SYT5: variants seen among roughly 807,000 people sequenced by gnomAD.
SYT5 encodes the protein synaptotagmin 5, also known as synaptotagmin-5.
A neutral mutation model predicts 36.0 loss-of-function variants in SYT5; 29 were observed. The ratio of observed to expected loss-of-function variants is 0.81; its 90% CI spans 0.60 to 1.10. The LOEUF is 1.10. Ranked by LOEUF, SYT5 falls within the 50% of genes least tolerant of loss-of-function variation. SYT5 has a pLI of 0.00. For missense variants in SYT5, 512 were observed against 516.0 expected, an observed-to-expected ratio of 0.99 and a Z score of 0.08; for synonymous variants, 231 against 227.6, an observed-to-expected ratio of 1.02 and a Z score of -0.14.
At position 55,178,964 on chromosome 19, in the gene SYT5, T is replaced by G. The variant is rs199655102; in HGVS notation, c.78A>C (p.Pro26=). 2 of 1,550,518 alleles carry G rather than the reference T, an allele frequency of 1.3e-6. No homozygotes were observed. Among genetic ancestry groups the G allele is most frequent in the East Asian group, 4.8e-5 (2 of 41,980 alleles). Residue 26 remains proline (P), a splice_region_variant and synonymous_variant, in exon 2 of 9, where the codon CCA becomes CCC. Transcript: ENST00000354308. ...CCCCCACCCCCGGGTCTTGCTCACC[T>G]GGGCCGTGGCTGATGCGACTGGAGT... ...PPDSSRISHG[P]VPPWALATIV...
Position 55,175,201 on chromosome 19 carries a change from G to T in SYT5, c.679C>A (p.Arg227=). 6.2e-7 allele frequency: 1 copy of T among 1,608,028 alleles called. No homozygotes were observed. Reference sequence around the variant, plus strand: ...TCCCGCGGAGCCGCCTGCAGCTCCCGCCAGGCCTGCACTGGCCGCCCCAGG... The same window carrying T: ...TCCCGCGGAGCCGCCTGCAGCTCCCTCCAGGCCTGCACTGGCCGCCCCAGG... ...VDLGRPVQAW[R]ELQAAPREEQ... is the part of the protein sequence containing the mutation. Residue 227 remains arginine, a synonymous_variant, in exon 6 of 9, where the codon CGG becomes AGG. Transcript: ENST00000354308. This position sits in a 1 kb window ranked among gnomAD's most constrained non-coding sequence, Gnocchi z 4.5.
Position 55,173,398 on chromosome 19 carries a change from G to A in SYT5, c.*86C>T. The A allele has an allele frequency of 1.7e-6, 2 of 1,173,898 alleles. No individual in the cohort carries two copies. The highest frequency in any genetic ancestry group is 2.3e-5 in the South Asian group (1 of 43,298). 72.7% of individuals were successfully genotyped at this position (1,173,898 alleles called of 1,614,324 possible). A position where few individuals can be genotyped will look rare whatever the true frequency, so the allele number is the denominator to read the frequency against. Reference sequence around the variant, plus strand: ...GGGTAACCGTCAGAGGAAGCTTAAGGGTGGGGCTGGCTTGGCTTTGGCCGG... The same window carrying A: ...GGGTAACCGTCAGAGGAAGCTTAAGAGTGGGGCTGGCTTGGCTTTGGCCGG... On this transcript the variant is annotated 3_prime_UTR_variant, in exon 9 of 9. Transcript: ENST00000354308. This position sits in a 1 kb window ranked among gnomAD's most constrained non-coding sequence, Gnocchi z 5.4.
In SYT5 at chr19:55,179,677, T is replaced by G; in HGVS notation, c.-46+440A>C. On this transcript the variant is annotated intron_variant, in intron 1 of 8. Coordinates refer to ENST00000354308, the MANE Select transcript of SYT5 (RefSeq NM_003180.3). This position sits in a 1 kb window ranked among gnomAD's most constrained non-coding sequence, Gnocchi z 4.5. ...TGGGAGCTGAGACGCAGGTTCCCTCTTCCCTCTCCCCAATTTTGCTGGAGG... is the reference window on the plus strand; with the variant it reads ...TGGGAGCTGAGACGCAGGTTCCCTCGTCCCTCTCCCCAATTTTGCTGGAGG... 1 of 155,184 alleles carries G rather than the reference T, an allele frequency of 6.4e-6. No homozygotes were observed. The highest frequency in any genetic ancestry group is 1.4e-5 in the Non-Finnish European group (1 of 70,110). The allele number at this position is 155,184 out of a possible 1,614,324, so 9.6% of individuals were successfully genotyped here.
chr19:55,174,667 G>A lies in SYT5; in HGVS notation c.827-17C>T. 3.7e-6 allele frequency: 6 copies of A among 1,613,994 alleles called. No individual in the cohort carries two copies. Among genetic ancestry groups the A allele is most frequent in the Non-Finnish European group, 4.2e-6 (5 of 1,179,948 alleles). On this transcript the variant is annotated splice_polypyrimidine_tract_variant and intron_variant, in intron 7 of 8. Coordinates refer to ENST00000354308, the MANE Select transcript of SYT5 (RefSeq NM_003180.3). Reference sequence around the variant, plus strand: ...CGTATGGATCTGGGGAGAGGAAGGAGGAGTCTTATAGCTCCCCACTGCTGG... The same window carrying A: ...CGTATGGATCTGGGGAGAGGAAGGAAGAGTCTTATAGCTCCCCACTGCTGG...
At position 55,179,432 on chromosome 19, in the gene SYT5, G is replaced by T; in HGVS notation, c.-45-346C>A. On this transcript the variant is annotated intron_variant, in intron 1 of 8. Transcript: ENST00000354308. The surrounding 1 kb of genome is among the most constrained non-coding windows in gnomAD (Gnocchi z 4.5). ...CAGCCGGGCTCCTCTCAAGCGGGGT[G>T]AGAGCAAAGCTGGTTGCCCGGGCAA... The T allele has an allele frequency of 2.3e-6, 1 of 441,224 alleles. No individual in the cohort carries two copies. The allele number at this position is 441,224 out of a possible 1,614,324, so 27.3% of individuals were successfully genotyped here. A position where few individuals can be genotyped will look rare whatever the true frequency, so the allele number is the denominator to read the frequency against.
At chr19:55,176,265 T>A in intron 3 of SYT5, 141 bp from the exon 4 acceptor site, 1 of 1,147,044 alleles carries the variant, frequency 8.7e-7, no homozygotes, top group Non-Finnish European at 1.2e-6. Flanking sequence ...ATTTGACTAG[T>A]GCTGTCTGCC....
In SYT5 at chr19:55,173,448, T is replaced by C. The variant is rs2147324453; in HGVS notation, c.*36A>G. On this transcript the variant is annotated 3_prime_UTR_variant, in exon 9 of 9. Coordinates refer to ENST00000354308, the MANE Select transcript of SYT5 (RefSeq NM_003180.3). The surrounding 1 kb of genome is among the most constrained non-coding windows in gnomAD (Gnocchi z 5.4). ...GTCTCGGGAGTCTGGGGTCAGGGGCTAGAGTCCAGGCTTGGCCGGGGGCTT... is the reference window on the plus strand; with the variant it reads ...GTCTCGGGAGTCTGGGGTCAGGGGCCAGAGTCCAGGCTTGGCCGGGGGCTT... The C allele has an allele frequency of 7.5e-7, 1 of 1,326,934 alleles. No individual in the cohort carries two copies. 82.2% of individuals were successfully genotyped at this position (1,326,934 alleles called of 1,614,324 possible).
intron 2 of SYT5, 60 bp from the exon 3 acceptor site, chr19:55,178,428 C>A: frequency 6.6e-7 from 1 of 1,520,392 alleles, no homozygotes; most frequent in South Asian, 1.3e-5. Flanking sequence ...CTGATTCAGT[C>A]CTGATTACAC....
At chr19:55,180,037 C>T (rs2086136125) in intron 1 of SYT5, 80 bp downstream of exon 1, 1 of 152,794 alleles carries the variant, frequency 6.5e-6, no homozygotes, top group African/African-American at 2.4e-5. Context: ...CCCCAGTGCC[C>T]CAGCCCCCAC....
chr19:55,174,110 GAATCTGGTCCC>G, intron 8 of SYT5: 2 of 202,858 alleles, frequency 9.9e-6, no homozygotes, highest in South Asian at 1.4e-4. Context: ...TTAGGGTGGG[GAATCTGGTCCC>G]GCTTAGGAGT....
chr19:55,171,303 AGCC>A lies in SYT5; in HGVS notation c.*2178_*2180del. ...CTGTCTTCATAAAGACATGCTCTAC[AGCC>A]ACACACACACACACACACACACACA... On this transcript the variant is annotated 3_prime_UTR_variant, in exon 9 of 9. Transcript: ENST00000354308. The A allele has an allele frequency of 7.9e-6, 1 of 126,654 alleles. No homozygotes were observed. The highest frequency in any genetic ancestry group is 8.5e-5 in the Admixed American group (1 of 11,764). The allele number at this position is 126,654 out of a possible 1,614,324, so 7.8% of individuals were successfully genotyped here. A position where few individuals can be genotyped will look rare whatever the true frequency, so the allele number is the denominator to read the frequency against.
chr19:55,172,046 C>T lies in SYT5; in HGVS notation c.*1438G>A, dbSNP rs962623768. 6.6e-6 allele frequency: 1 copy of T among 151,670 alleles called. No homozygotes were observed. The highest frequency in any genetic ancestry group is 2.4e-5 in the African/African-American group (1 of 41,212). The allele number at this position is 151,670 out of a possible 1,614,324, so 9.4% of individuals were successfully genotyped here. A position where few individuals can be genotyped will look rare whatever the true frequency, so the allele number is the denominator to read the frequency against. On this transcript the variant is annotated 3_prime_UTR_variant, in exon 9 of 9. Transcript: ENST00000354308. ...GGTGAGCCGAGATTGCACCATTGCC[C>T]TCCATTCTGGGCAACAACAGCGAAA...
Position 55,179,089 on chromosome 19 carries a change from A to T in SYT5, c.-45-3T>A. The T allele has an allele frequency of 6.4e-7, 1 of 1,569,718 alleles. No homozygotes were observed. The highest frequency in any genetic ancestry group is 8.6e-7 in the Non-Finnish European group (1 of 1,159,638). On this transcript the variant is annotated splice_polypyrimidine_tract_variant and splice_region_variant and intron_variant, in intron 1 of 8. Transcript: ENST00000354308. This position sits in a 1 kb window ranked among gnomAD's most constrained non-coding sequence, Gnocchi z 4.5. Reference sequence around the variant, plus strand: ...TTCTGCAGAGACACTCAAGCACCCTAGTCCCCCATTCCCACCCCAGACGTC... The same window carrying T: ...TTCTGCAGAGACACTCAAGCACCCTTGTCCCCCATTCCCACCCCAGACGTC...
At position 55,179,400 on chromosome 19, in the gene SYT5, A is replaced by T; in HGVS notation, c.-45-314T>A. ...TGGGAACCAGCAGACCGCGTTGCCC[A>T]GAGCAACAGCCGGGCTCCTCTCAAG... is the stretch of plus-strand genomic sequence containing the variant. On this transcript the variant is annotated intron_variant, in intron 1 of 8. Transcript: ENST00000354308. The surrounding 1 kb of genome is among the most constrained non-coding windows in gnomAD (Gnocchi z 4.5). The T allele has an allele frequency of 1.9e-6, 1 of 532,312 alleles. No individual in the cohort carries two copies. Among genetic ancestry groups the T allele is most frequent in the Non-Finnish European group, 3.0e-6 (1 of 331,596 alleles). The allele number at this position is 532,312 out of a possible 1,614,324, so 33.0% of individuals were successfully genotyped here. A position where few individuals can be genotyped will look rare whatever the true frequency, so the allele number is the denominator to read the frequency against.
chr19:55,174,659 A>G lies in SYT5; in HGVS notation c.827-9T>C. Reference sequence around the variant, plus strand: ...GACCTTGACGTATGGATCTGGGGAGAGGAAGGAGGAGTCTTATAGCTCCCC... The same window carrying G: ...GACCTTGACGTATGGATCTGGGGAGGGGAAGGAGGAGTCTTATAGCTCCCC... On this transcript the variant is annotated splice_polypyrimidine_tract_variant and intron_variant, in intron 7 of 8. Coordinates refer to ENST00000354308, the MANE Select transcript of SYT5 (RefSeq NM_003180.3). 2 of 1,613,808 alleles carry G rather than the reference A, an allele frequency of 1.2e-6. No individual in the cohort carries two copies. Among genetic ancestry groups the G allele is most frequent in the East Asian group, 4.5e-5 (2 of 44,856 alleles).
In SYT5 at chr19:55,175,723, T is replaced by A. The variant is rs753347515; in HGVS notation, c.526A>T (p.Thr176Ser). 1 of 1,613,540 alleles carries A rather than the reference T, an allele frequency of 6.2e-7. No individual in the cohort carries two copies. Among genetic ancestry groups the A allele is most frequent in the Non-Finnish European group, 8.5e-7 (1 of 1,179,964 alleles). ...CAGGAGCTCACCTTGAAGGCGAAGG[T>A]CTCCCCAAAGTGAGGGTTCAGCGTC... ...RQTLNPHFGETFAFKVPYVEL... is the reference protein window; with the variant it reads ...RQTLNPHFGESFAFKVPYVEL... Residue 176 changes from threonine (T) to serine (S), a missense_variant, in exon 5 of 9, where the codon ACC becomes TCC. Physicochemically the swap from Thr to Ser is moderately conservative, Grantham distance 58 (BLOSUM62 1). Transcript: ENST00000354308. The surrounding 1 kb of genome is among the most constrained non-coding windows in gnomAD (Gnocchi z 4.5).
At chr19:55,176,256 T>C (rs1305989780) in intron 3 of SYT5, 132 bp from the exon 4 acceptor site, 2 of 1,242,940 alleles carry the variant, frequency 1.6e-6, no homozygotes, top group Admixed American at 4.3e-5. Flanking sequence ...AGATTCAGTA[T>C]TTGACTAGTG....
In SYT5 at chr19:55,175,473, G is replaced by T; in HGVS notation, c.541-134C>A. On this transcript the variant is annotated intron_variant, in intron 5 of 8. Coordinates refer to ENST00000354308, the MANE Select transcript of SYT5 (RefSeq NM_003180.3). The surrounding 1 kb of genome is among the most constrained non-coding windows in gnomAD (Gnocchi z 4.5). ...CAGTTGGGGGAACTCAAATGGGAAAGTCCAGGGATCCATGCGGAAAAAAAT... is the reference window on the plus strand; with the variant it reads ...CAGTTGGGGGAACTCAAATGGGAAATTCCAGGGATCCATGCGGAAAAAAAT... 1 of 1,151,272 alleles carries T rather than the reference G, an allele frequency of 8.7e-7. No homozygotes were observed. Among genetic ancestry groups the T allele is most frequent in the Non-Finnish European group, 1.2e-6 (1 of 837,086 alleles). The allele number at this position is 1,151,272 out of a possible 1,614,324, so 71.3% of individuals were successfully genotyped here.
Position 55,174,919 on chromosome 19 carries a change from A to G in SYT5, c.789T>C (p.Ala263=). Residue 263 remains alanine, a synonymous_variant, in exon 7 of 9, where the codon GCT becomes GCC. Coordinates refer to ENST00000354308, the MANE Select transcript of SYT5 (RefSeq NM_003180.3). ...AGKLTVIVLE[A]KNLKKMDVGG... ...CTACGTCCATCTTCTTCAGGTTTTT[A>G]GCCTCCAGGACGATGACGGTGAGCT... 1.2e-6 allele frequency: 2 copies of G among 1,614,082 alleles called. No individual in the cohort carries two copies. Among genetic ancestry groups the G allele is most frequent in the Non-Finnish European group, 1.7e-6 (2 of 1,179,996 alleles).
Sources: gnomAD v4.1 joint callset for allele counts on GRCh38, gnomAD v4.1.1 for gene constraint, Gnocchi (gnomAD v3.1) non-coding constraint, MANE v1.5 for transcripts, NCBI Gene and HGNC (gene_info 2026-07-23, HGNC 2026-07-21) for gene names.